SEC22A: variants seen among roughly 807,000 people sequenced by gnomAD.
The protein encoded by SEC22A is SEC22 homolog A, vesicle trafficking protein, also known as vesicle-trafficking protein SEC22a.
In SEC22A, 22 loss-of-function variants were observed where a neutral mutation model predicts 35.3. The ratio of observed to expected loss-of-function variants is 0.62; its 90% confidence interval spans 0.45 to 0.89. The LOEUF (loss-of-function observed/expected upper bound fraction) is 0.89, where lower values mean the gene tolerates loss of function less well. SEC22A is among the 40% of genes least tolerant of loss of function. The pLI is 0.00. For synonymous variants in SEC22A, 119 were observed against 129.5 expected, an observed-to-expected ratio of 0.92 and a Z score of 0.55; for missense variants, 354 against 362.5, an observed-to-expected ratio of 0.98 and a Z score of 0.19.
intron 5 of SEC22A, among the ~76,000 whole-genome samples, chr3:123,252,657 C>G (rs1937627660): frequency 6.6e-6 from 1 of 152,158 alleles, no homozygotes; most frequent in Non-Finnish European, 1.5e-5. Context: ...TCTCTAGTAT[C>G]TTGAGGCTCA....
At chr3:123,220,112 T>C (rs1306698473) in intron 2 of SEC22A, among the ~76,000 whole-genome samples, 2 of 152,222 alleles carry the variant, frequency 1.3e-5, no homozygotes, top group East Asian at 3.8e-4. Context: ...TACAATTGTC[T>C]AGTTACATTT....
At chr3:123,211,517 T>C (rs189447848) in intron 2 of SEC22A, among the ~76,000 whole-genome samples, 1 of 152,250 alleles carries the variant, frequency 6.6e-6, no homozygotes, top group African/African-American at 2.4e-5. Context: ...TGGAATGCAG[T>C]GGCATGATGA....
chr3:123,211,948 T>C (rs1245670875), intron 2 of SEC22A, among the ~76,000 whole-genome samples: 2 of 152,242 alleles, frequency 1.3e-5, no homozygotes, highest in Non-Finnish European at 2.9e-5. Flanking sequence ...TCCCAGCTAC[T>C]GTGGCGACAT....
intron 4 of SEC22A, among the ~76,000 whole-genome samples, chr3:123,244,768 C>T (rs763715587): frequency 3.9e-5 from 6 of 152,078 alleles, no homozygotes; most frequent in Non-Finnish European, 8.8e-5. Context: ...ATTGTTAGGG[C>T]GTTTACACTT....
chr3:123,208,674 G>A (rs1015361001), intron 1 of SEC22A: 1 of 153,626 alleles, frequency 6.5e-6, no homozygotes, highest in African/African-American at 2.4e-5. Context: ...CAGCCAAGAT[G>A]GCGCCACTGC....
At chr3:123,205,624 G>T (rs1360349838) in intron 1 of SEC22A, among the ~76,000 whole-genome samples, 1 of 152,092 alleles carries the variant, frequency 6.6e-6, no homozygotes, top group Non-Finnish European at 1.5e-5. Flanking sequence ...GGAGGCAGAG[G>T]TTGCAGTGAG....
intron 6 of SEC22A, among the ~76,000 whole-genome samples, 171 bp downstream of exon 6, chr3:123,259,760 A>C (rs1576503494): frequency 6.6e-6 from 1 of 152,200 alleles, no homozygotes; most frequent in East Asian, 1.9e-4. Flanking sequence ...GAGTAGACAT[A>C]CATCCCAGTG....
chr3:123,269,215 GTA>G (rs1553713614), intron 6 of SEC22A, among the ~76,000 whole-genome samples: 90 of 136,858 alleles, frequency 6.6e-4, no homozygotes, highest in South Asian at 1.7e-3. Context: ...GTGTGTGTGT[GTA>G]TATATTACTG....
At chr3:123,250,167 T>C (rs893287862) in intron 5 of SEC22A, among the ~76,000 whole-genome samples, 1 of 152,156 alleles carries the variant, frequency 6.6e-6, no homozygotes, top group Non-Finnish European at 1.5e-5. Flanking sequence ...ATCCCAGTAC[T>C]TTGGGAGGCC....
intron 4 of SEC22A, among the ~76,000 whole-genome samples, chr3:123,242,582 T>C (rs1025614110): frequency 1.3e-5 from 2 of 152,176 alleles, no homozygotes; most frequent in African/African-American, 4.8e-5. Context: ...ACTATTCTGA[T>C]TCAGGCCCTG....
intron 4 of SEC22A, among the ~76,000 whole-genome samples, chr3:123,226,004 C>T (rs568478394): frequency 1.3e-5 from 2 of 152,258 alleles, no homozygotes; most frequent in African/African-American, 2.4e-5. Flanking sequence ...CCAGTTCATC[C>T]GTGCTGTTGC....
chr3:123,262,972 A>C (rs1937926688), intron 6 of SEC22A, among the ~76,000 whole-genome samples: 1 of 152,168 alleles, frequency 6.6e-6, no homozygotes, highest in African/African-American at 2.4e-5. Context: ...CGGTATCACA[A>C]CCAGAGTATT....
chr3:123,271,920 A>G lies in SEC22A; in HGVS notation c.*198A>G, dbSNP rs921681279. 54 of 585,408 alleles carry G rather than the reference A, an allele frequency of 9.2e-5. No homozygotes were observed. Among genetic ancestry groups the G allele is most frequent in the Non-Finnish European group, 7.0e-5 (23 of 329,712 alleles). The allele number at this position is 585,408 out of a possible 1,614,324, so 36.3% of individuals were successfully genotyped here. On this transcript the variant is annotated 3_prime_UTR_variant, in exon 7 of 7. Transcript: ENST00000492595. Reference sequence around the variant, plus strand: ...TCAGAAGAATGTTGGCCATGAGACTATCATTCAGAGGAGGAGGGGATTTCT... The same window carrying G: ...TCAGAAGAATGTTGGCCATGAGACTGTCATTCAGAGGAGGAGGGGATTTCT...
At chr3:123,208,818 GGA>G (rs1936891759) in intron 1 of SEC22A, 1 of 181,516 alleles carries the variant, frequency 5.5e-6, no homozygotes, top group South Asian at 1.1e-4. Context: ...CTCCTGAGAC[GGA>G]GTCTCACTCT....
chr3:123,218,850 C>G, intron 2 of SEC22A, among the ~76,000 whole-genome samples: 1 of 152,086 alleles, frequency 6.6e-6, no homozygotes. Flanking sequence ...TTATGGTATA[C>G]TAGACACAAA....
intron 4 of SEC22A, among the ~76,000 whole-genome samples, chr3:123,244,199 A>G (rs9838081): frequency 0.2 from 29,853 of 152,080 alleles, 3,036 homozygotes; most frequent in Middle Eastern, 0.27. Context: ...AATTATTAAG[A>G]AGTGTCACCT....
intron 4 of SEC22A, among the ~76,000 whole-genome samples, chr3:123,234,895 C>T (rs148996042): frequency 0.021 from 3,198 of 151,936 alleles, 106 homozygotes; most frequent in African/African-American, 0.074. Flanking sequence ...TGGTGGCGCA[C>T]GCCTGTAGTC....
chr3:123,245,663 GTC>G (rs923274587), intron 4 of SEC22A, among the ~76,000 whole-genome samples: 1 of 151,508 alleles, frequency 6.6e-6, no homozygotes, highest in Non-Finnish European at 1.5e-5. Flanking sequence ...TTGTGACCCT[GTC>G]TCAAAAAAAA....
In SEC22A at chr3:123,271,574, C is replaced by T; in HGVS notation, c.776C>T (p.Thr259Ile). The T allele has an allele frequency of 6.2e-7, 1 of 1,614,044 alleles. No homozygotes were observed. Among genetic ancestry groups the T allele is most frequent in the Non-Finnish European group, 8.5e-7 (1 of 1,179,994 alleles). ...TGGCGGAATGTCAAATCTTTTTTGA[C>T]TTTTGGCTTAATCTGTCTATGCAAC... ...TGWRNVKSFL[T>I]FGLICLCNMY... The change falls in exon 7 of 7, where the codon ACT (threonine) becomes ATT (isoleucine). Residue 259 changes from threonine to isoleucine, a missense_variant. Transcript: ENST00000492595.
Sources: allele counts gnomAD v4.1 joint callset (sites outside exome capture counted in the v4.1 genomes callset), GRCh38; gene constraint gnomAD v4.1.1; transcripts MANE v1.5; gene names NCBI Gene and HGNC (gene_info 2026-07-23, HGNC 2026-07-21).